The following PLXND1 variants were observed in gnomAD, a reference collection of about 807,000 sequenced individuals.
PLXND1 encodes plexin-D1.
Under a neutral mutation model 197.7 loss-of-function variants are expected in PLXND1, and 54 were observed. That is an observed-to-expected ratio of 0.27 (90% CI 0.22 to 0.34). PLXND1 has a LOEUF of 0.34. Among genes scored for constraint, PLXND1 ranks in the 10% least tolerant of loss-of-function variants. The pLI is 1.00. For synonymous variants in PLXND1, 1,180 were observed against 1,161.2 expected, an observed-to-expected ratio of 1.02 and a Z score of -0.33; for missense variants, 2,127 against 2,699.2, an observed-to-expected ratio of 0.79 and a Z score of 4.70.
intron 23 of PLXND1, chr3:129,566,308 C>T (rs1440499986): frequency 1.2e-5 from 7 of 602,560 alleles, no homozygotes; most frequent in East Asian, 1.1e-4. Flanking sequence ...GGGCCCAATC[C>T]TCTGTCTGCT....
rs143852651 is a variant in PLXND1, at chr3:129,578,414, C to T, written c.2261G>A (p.Arg754Gln). The change falls in exon 9 of 36, where the codon CGG becomes CAG. Residue 754 changes from arginine to glutamine, a missense_variant. Arg to Gln is a conservative substitution (Grantham distance 43). This residue lies in a region of PLXND1 where 1,095 missense variants were observed against 1,259.8 expected (regional missense o/e 0.87). Transcript: ENST00000324093. ...PNPTSPQDCP[R>Q]TLLSPLAPVP... ...GGGTGCCAGGGGTGAGAGCAGGGTC[C>T]GGGGGCAGTCCTGAGGGCTCTGCAG... 2.6e-5 allele frequency: 42 copies of T among 1,597,742 alleles called. No individual in the cohort carries two copies. The East Asian group carries it at 5.4e-4, about 21-fold the overall frequency.
chr3:129,588,901 G>A (rs897704524), intron 2 of PLXND1, among the ~76,000 whole-genome samples: 4 of 152,214 alleles, frequency 2.6e-5, no homozygotes, highest in African/African-American at 4.8e-5. Flanking sequence ...GGCAGGGCTG[G>A]GGAGGAGAAA....
chr3:129,561,782 CGGGGGG>C lies in PLXND1; in HGVS notation c.4929+12_4929+17del. The C allele has an allele frequency of 3.7e-6, 2 of 533,862 alleles. No homozygotes were observed. The highest frequency in any genetic ancestry group is 5.4e-6 in the Non-Finnish European group (2 of 367,254). 33.1% of individuals were successfully genotyped at this position (533,862 alleles called of 1,614,324 possible). ...GGGCATGAGGGTGGGGAAATGGGGGCGGGGGGCAGGGCTGCACCTTGTAATGGGCCA... is the reference window on the plus strand; with the variant it reads ...GGGCATGAGGGTGGGGAAATGGGGGCCAGGGCTGCACCTTGTAATGGGCCA... On this transcript the variant is annotated intron_variant, in intron 28 of 35. Transcript: ENST00000324093.
intron 7 of PLXND1, 124 bp from the exon 8 acceptor site, chr3:129,583,793 C>T (rs768248035): frequency 1.5e-6 from 1 of 667,570 alleles, no homozygotes; most frequent in Non-Finnish European, 2.6e-6. Flanking sequence ...ATCGGGGCTG[C>T]CTGGGAAAGA....
chr3:129,586,745 G>A (rs771335058), intron 2 of PLXND1, 26 bp from the exon 3 acceptor site: 1 of 1,594,760 alleles, frequency 6.3e-7, no homozygotes, highest in South Asian at 1.1e-5. Flanking sequence ...GCATCAGGGT[G>A]CTGGAGCCCA....
In PLXND1 at chr3:129,560,448, C is replaced by T; in HGVS notation, c.5029-14G>A. The T allele has an allele frequency of 6.4e-7, 1 of 1,571,834 alleles. No individual in the cohort carries two copies. Among genetic ancestry groups the T allele is most frequent in the African/African-American group, 1.3e-5 (1 of 74,200 alleles). ...CGTAGGCAGCACCTGGGAGGCCGGG[C>T]AGTGGTCAGTGTCCGCACCAGGCCC... is the stretch of plus-strand genomic sequence containing the variant. On this transcript the variant is annotated splice_polypyrimidine_tract_variant and intron_variant, in intron 30 of 35. Coordinates refer to ENST00000324093, the MANE Select transcript of PLXND1 (RefSeq NM_015103.3).
At position 129,605,509 on chromosome 3, in the gene PLXND1, C is replaced by T; in HGVS notation, c.1131G>A (p.Gly377=). Residue 377 remains glycine (G), a synonymous_variant, in exon 1 of 36, where the codon GGG becomes GGA. Coordinates refer to ENST00000324093, the MANE Select transcript of PLXND1 (RefSeq NM_015103.3). ...RLFAVFERPQ[G]SPAARAAPAA... ...CCGGAGCAGCGCGGGCCGCGGGGGA[C>T]CCCTGGGGCCGCTCGAAGACAGCAA... 6.6e-7 allele frequency: 1 copy of T among 1,508,538 alleles called. No individual in the cohort carries two copies. The highest frequency in any genetic ancestry group is 8.8e-7 in the Non-Finnish European group (1 of 1,135,986). The allele number at this position is 1,508,538 out of a possible 1,614,324, so 93.4% of individuals were successfully genotyped here.
At chr3:129,585,274 A>AG (rs960582407) in intron 5 of PLXND1, among the ~76,000 whole-genome samples, 1 of 152,198 alleles carries the variant, frequency 6.6e-6, no homozygotes, top group African/African-American at 2.4e-5. Context: ...GGGCTGTCAG[A>AG]GCCCCCCAGG....
intron 25 of PLXND1, among the ~76,000 whole-genome samples, chr3:129,563,459 G>A (rs1482460792): frequency 2.6e-5 from 4 of 152,306 alleles, no homozygotes; most frequent in Middle Eastern, 3.4e-3. Context: ...GCATCATCCC[G>A]GCAACCCTTC....
In PLXND1 at chr3:129,586,182, G is replaced by A. The variant is rs956477143; in HGVS notation, c.1711C>T (p.Leu571=). The part of the protein sequence containing the change: ...AADAYCGWCA[L]ETRCTLQQDC... ...GGTGTCCAGCCTCACCGCGTCTCCAGGGCACACCAGCCGCAGTAGGCGTCC... is the reference window on the plus strand; with the variant it reads ...GGTGTCCAGCCTCACCGCGTCTCCAAGGCACACCAGCCGCAGTAGGCGTCC... The change falls in exon 4 of 36, where the codon CTG becomes TTG. Residue 571 remains leucine (L), a synonymous_variant. Coordinates refer to ENST00000324093, the MANE Select transcript of PLXND1 (RefSeq NM_015103.3). The A allele has an allele frequency of 2.5e-6, 4 of 1,606,480 alleles. No individual in the cohort carries two copies. The highest frequency in any genetic ancestry group is 1.3e-5 in the African/African-American group (1 of 74,844).
At position 129,584,420 on chromosome 3, in the gene PLXND1, G is replaced by C. The variant is rs771566843; in HGVS notation, c.1994C>G (p.Pro665Arg). 4 of 1,613,506 alleles carry C rather than the reference G, an allele frequency of 2.5e-6. No individual in the cohort carries two copies. In the Admixed American group the frequency reaches 5.0e-5, roughly 20 times the overall value. The stretch of plus-strand genomic sequence containing the variant: ...GGGGAAGGGCGGAAACTGGTCCCTC[G>C]GCAGGAGGTTGCAGTAGGCAATCTG... ...GHQIAYCNLL[P>R]RDQFPPFPPN... The change falls in exon 6 of 36, where the codon CCG (proline) becomes CGG (arginine). Residue 665 changes from proline to arginine, a missense_variant. Pro to Arg is a moderately radical substitution (Grantham distance 103). Around this residue, in one of 6 missense-constraint regions of PLXND1, gnomAD observed 1,095 missense variants for 1,259.8 expected, o/e 0.87. Transcript: ENST00000324093.
At position 129,589,432 on chromosome 3, in the gene PLXND1, C is replaced by CG; in HGVS notation, c.1406dup (p.Leu471ProfsTer56). On this transcript the variant is annotated frameshift_variant, in exon 2 of 36. Transcript: ENST00000324093. LOFTEE classifies it high-confidence loss of function. ...TGGCCACGGCCACGGAGGTGAGGCC[C>CG]GGGGCGCGGAACACGGGCGTGGCCT... The CG allele has an allele frequency of 6.2e-7, 1 of 1,611,800 alleles. No homozygotes were observed. The highest frequency in any genetic ancestry group is 8.5e-7 in the Non-Finnish European group (1 of 1,179,542).
In PLXND1 at chr3:129,558,745, T is replaced by A; in HGVS notation, c.5298-170A>T. 1.6e-6 allele frequency: 1 copy of A among 632,132 alleles called. No homozygotes were observed. Among genetic ancestry groups the A allele is most frequent in the Non-Finnish European group, 2.7e-6 (1 of 368,856 alleles). 39.2% of individuals were successfully genotyped at this position (632,132 alleles called of 1,614,324 possible). A position where few individuals can be genotyped will look rare whatever the true frequency, so the allele number is the denominator to read the frequency against. ...TTTGCCTATCCCTGGCCAGCTGGGG[T>A]GCAGTGGGGCTGAGAGCCCGGTTTC... On this transcript the variant is annotated intron_variant, in intron 32 of 35. Transcript: ENST00000324093. The surrounding 1 kb of genome is among the most constrained non-coding windows in gnomAD (Gnocchi z 4.1).
At position 129,577,522 on chromosome 3, in the gene PLXND1, G is replaced by A. The variant is rs893399466; in HGVS notation, c.2346+807C>T. Among the ~76,000 whole-genome samples the A allele has an allele frequency of 1.9e-4, 29 of 149,986 alleles. No individual in the cohort carries two copies. Among genetic ancestry groups the A allele is most frequent in the East Asian group, 6.1e-4 (3 of 4,906 alleles). ...CTCCCAGAGCTCCAGCCCCTGCCAC[G>A]AGGCTTCCCGACACATCCCAGATGC... On this transcript the variant is annotated intron_variant, in intron 9 of 35. Transcript: ENST00000324093. The surrounding 1 kb of genome is among the most constrained non-coding windows in gnomAD (Gnocchi z 5.0).
Position 129,563,084 on chromosome 3 carries a change from G to A in PLXND1, c.4668+10C>T, listed in dbSNP as rs766746279. 2 of 1,613,370 alleles carry A rather than the reference G, an allele frequency of 1.2e-6. No individual in the cohort carries two copies. Among genetic ancestry groups the A allele is most frequent in the Non-Finnish European group, 1.7e-6 (2 of 1,179,774 alleles). On this transcript the variant is annotated intron_variant, in intron 26 of 35. Coordinates refer to ENST00000324093, the MANE Select transcript of PLXND1 (RefSeq NM_015103.3). ...GCAGCCCTGGGACCCTCCCCGCCCT[G>A]CCGACTTACCCGGGGCTTGGCCTCG...
chr3:129,576,365 G>T (rs1450375583), intron 9 of PLXND1, among the ~76,000 whole-genome samples: 1 of 152,190 alleles, frequency 6.6e-6, no homozygotes, highest in Admixed American at 6.5e-5. Context: ...CAGCTTAAAA[G>T]CCCCCTGTTC....
chr3:129,605,545 C>T lies in PLXND1; in HGVS notation c.1095G>A (p.Arg365=). The change falls in exon 1 of 36, where the codon CGG becomes CGA. Residue 365 remains arginine, a synonymous_variant. Transcript: ENST00000324093. ...YSRLVSVFPA[R]ERLFAVFERP... Reference sequence around the variant, plus strand: ...GCTCGAAGACAGCAAAGAGCCGCTCCCGGGCTGGGAAGACCGACACCAGGC... The same window carrying T: ...GCTCGAAGACAGCAAAGAGCCGCTCTCGGGCTGGGAAGACCGACACCAGGC... 6.5e-7 allele frequency: 1 copy of T among 1,528,178 alleles called. No homozygotes were observed. The allele number at this position is 1,528,178 out of a possible 1,614,324, so 94.7% of individuals were successfully genotyped here. A position where few individuals can be genotyped will look rare whatever the true frequency, so the allele number is the denominator to read the frequency against.
intron 3 of PLXND1, 35 bp downstream of exon 3, chr3:129,586,553 G>A: frequency 1.9e-6 from 3 of 1,557,022 alleles, no homozygotes; most frequent in Non-Finnish European, 2.6e-6. Context: ...CTCGGCTGGT[G>A]CTGGGATGGC....
intron 9 of PLXND1, among the ~76,000 whole-genome samples, chr3:129,576,499 C>T (rs575691846): frequency 3.2e-4 from 49 of 152,236 alleles, no homozygotes; most frequent in Non-Finnish European, 6.2e-4. Flanking sequence ...GAGCTGCCCC[C>T]ATCCCTGTGT....
Sources: gnomAD v4.1 joint callset for allele counts (sites outside exome capture counted in the v4.1 genomes callset) on GRCh38, gnomAD v4.1.1 for gene constraint, gnomAD v4.1.1 regional missense constraint, Gnocchi (gnomAD v3.1) non-coding constraint, MANE v1.5 for transcripts, NCBI Gene and HGNC (gene_info 2026-07-23, HGNC 2026-07-21) for gene names.